The following PTPRD variants were observed in gnomAD, a reference collection of about 807,000 sequenced individuals.
PTPRD encodes the protein receptor-type tyrosine-protein phosphatase delta.
A neutral mutation model predicts 214.5 loss-of-function variants in PTPRD; 34 were observed. The observed-to-expected ratio is 0.16, with a 90% CI of 0.12 to 0.21. The LOEUF (loss-of-function observed/expected upper bound fraction) is 0.21. PTPRD is among the 10% of genes least tolerant of loss of function. PTPRD has a pLI of 1.00. For synonymous variants in PTPRD, 1,128 were observed against 845.7 expected, an observed-to-expected ratio of 1.33 and a Z score of -5.79; for missense variants, 2,545 against 2,398.7, an observed-to-expected ratio of 1.06 and a Z score of -1.27.
chr9:8,528,532 G>A (rs2139444322), intron 15 of PTPRD, 59 bp downstream of exon 15: 1 of 1,373,602 alleles, frequency 7.3e-7, no homozygotes, highest in Non-Finnish European at 1.0e-6. Context: ...AATAAGGAGA[G>A]AGAAAAATTA....
intron 39 of PTPRD, among the ~76,000 whole-genome samples, chr9:8,352,202 T>A (rs1223172459): frequency 6.6e-6 from 1 of 152,146 alleles, no homozygotes; most frequent in Admixed American, 6.5e-5. Flanking sequence ...AAAATGTGAT[T>A]CTCATGATAA....
intron 8 of PTPRD, among the ~76,000 whole-genome samples, chr9:9,452,956 C>T (rs148767466): frequency 6.6e-6 from 1 of 150,910 alleles, no homozygotes; most frequent in Admixed American, 6.6e-5. Flanking sequence ...TCTTTTGAAT[C>T]TGGACTTCAT....
chr9:9,720,057 C>T (rs745621331), intron 7 of PTPRD, among the ~76,000 whole-genome samples: 1 of 152,286 alleles, frequency 6.6e-6, no homozygotes, highest in South Asian at 2.1e-4. Context: ...CAATCAAAGA[C>T]TGCAAGGCTG....
At chr9:9,248,242 A>C (rs961527062) in intron 9 of PTPRD, among the ~76,000 whole-genome samples, 12 of 151,780 alleles carry the variant, frequency 7.9e-5, no homozygotes, top group Non-Finnish European at 1.8e-4. Context: ...ACAGGCGCCC[A>C]CCACAATACT....
intron 5 of PTPRD, among the ~76,000 whole-genome samples, chr9:9,934,370 G>A (rs1215267254): frequency 1.3e-4 from 20 of 148,666 alleles, no homozygotes; most frequent in Non-Finnish European, 2.7e-4. Context: ...TCAAATAGAT[G>A]CAATAAAAAA....
chr9:8,631,548 T>C (rs1050614091), intron 14 of PTPRD, among the ~76,000 whole-genome samples: 1 of 151,844 alleles, frequency 6.6e-6, no homozygotes, highest in Admixed American at 6.6e-5. Context: ...TTGCACACTC[T>C]ATGGGACTCA....
intron 10 of PTPRD, among the ~76,000 whole-genome samples, chr9:9,055,293 T>C (rs2099694152): frequency 2.0e-5 from 3 of 152,104 alleles, no homozygotes; most frequent in Admixed American, 1.3e-4. Flanking sequence ...AGAGTGGATA[T>C]AAAGTGTGCT....
intron 11 of PTPRD, among the ~76,000 whole-genome samples, chr9:8,968,829 G>C (rs919323679): frequency 4.6e-5 from 7 of 151,988 alleles, no homozygotes; most frequent in African/African-American, 1.7e-4. Flanking sequence ...AATCCAAAAA[G>C]CAAGATCATT....
chr9:10,397,032 A>C (rs993825891), intron 2 of PTPRD, among the ~76,000 whole-genome samples: 5 of 152,018 alleles, frequency 3.3e-5, no homozygotes, highest in African/African-American at 1.2e-4. Context: ...TCTTACAAAT[A>C]GCTTAGAAAT....
chr9:8,872,651 C>A (rs1312543022), intron 11 of PTPRD, among the ~76,000 whole-genome samples: 1 of 152,178 alleles, frequency 6.6e-6, no homozygotes, highest in Admixed American at 6.5e-5. Flanking sequence ...TTATGTAAAT[C>A]TGGTTGATGT....
chr9:10,248,863 G>T (rs2092491469), intron 3 of PTPRD, among the ~76,000 whole-genome samples: 1 of 123,708 alleles, frequency 8.1e-6, no homozygotes, highest in Admixed American at 8.4e-5. Context: ...CTTATGCACA[G>T]AGGTGATATT....
At position 8,736,052 on chromosome 9, in the gene PTPRD, G is replaced by A. The variant is rs998664507; in HGVS notation, c.-103-2106C>T. ...AATGTTTTAGAGCAGAGGAACCATGGAACCAGGCTTTGGAAAGATTAACTG... is the reference window on the plus strand; with the variant it reads ...AATGTTTTAGAGCAGAGGAACCATGAAACCAGGCTTTGGAAAGATTAACTG... On this transcript the variant is annotated intron_variant, in intron 11 of 45. Transcript: ENST00000381196. Among the ~76,000 whole-genome samples, 5 of 152,102 alleles carry A rather than the reference G, an allele frequency of 3.3e-5. No homozygotes were observed. The South Asian group carries it at 1.0e-3, about 32-fold the overall frequency.
At chr9:10,148,378 CAA>C in intron 3 of PTPRD, among the ~76,000 whole-genome samples, 1 of 152,196 alleles carries the variant, frequency 6.6e-6, no homozygotes, top group East Asian at 1.9e-4. Context: ...AGTGTTGGAA[CAA>C]AGACACAGTT....
chr9:9,814,600 A>G (rs1009592614), intron 5 of PTPRD, among the ~76,000 whole-genome samples: 1 of 152,156 alleles, frequency 6.6e-6, no homozygotes, highest in African/African-American at 2.4e-5. Flanking sequence ...GATCTGTACA[A>G]TGAAAACTGT....
At chr9:9,555,368 G>A (rs1342990738) in intron 8 of PTPRD, among the ~76,000 whole-genome samples, 1 of 151,984 alleles carries the variant, frequency 6.6e-6, no homozygotes, top group Non-Finnish European at 1.5e-5. Flanking sequence ...TATTGACTGA[G>A]TTCACCAGAA....
chr9:8,990,018 C>A (rs2099360166), intron 11 of PTPRD, among the ~76,000 whole-genome samples: 1 of 152,136 alleles, frequency 6.6e-6, no homozygotes, highest in African/African-American at 2.4e-5. Context: ...ATAATCTAGA[C>A]CTCATTTAAT....
intron 7 of PTPRD, among the ~76,000 whole-genome samples, chr9:9,664,255 C>A (rs1345346473): frequency 3.3e-5 from 5 of 151,396 alleles, no homozygotes; most frequent in East Asian, 1.9e-4. Flanking sequence ...ATAGTGATAA[C>A]CATCTATGAA....
At chr9:10,377,544 GT>G (rs1039860671) in intron 2 of PTPRD, among the ~76,000 whole-genome samples, 2 of 151,002 alleles carry the variant, frequency 1.3e-5, no homozygotes, top group Non-Finnish European at 1.5e-5. Context: ...GGCGATGTTT[GT>G]TTTTTTTGTC....
At chr9:10,048,115 G>C (rs1202741358) in intron 3 of PTPRD, among the ~76,000 whole-genome samples, 1 of 152,134 alleles carries the variant, frequency 6.6e-6, no homozygotes, top group Non-Finnish European at 1.5e-5. Flanking sequence ...TTTCCTACGT[G>C]AGACAGATAT....
Sources: gnomAD v4.1 joint callset for allele counts (sites outside exome capture counted in the v4.1 genomes callset) on GRCh38, gnomAD v4.1.1 for gene constraint, MANE v1.5 for transcripts, NCBI Gene and HGNC (gene_info 2026-07-23, HGNC 2026-07-21) for gene names.